Variants in DAP observed in about 807,000 individuals in gnomAD.
The protein encoded by DAP is death-associated protein 1.
Under a neutral mutation model 13.8 loss-of-function variants are expected in DAP, and 8 were observed. The ratio of observed to expected loss-of-function variants is 0.58; its 90% CI spans 0.34 to 1.05. DAP has a LOEUF of 1.05. DAP is among the 50% of genes least tolerant of loss of function. The pLI, the probability that DAP is intolerant of heterozygous loss-of-function variation, is 0.03. For missense variants in DAP, 106 were observed against 133.2 expected (o/e 0.80, Z 1.01); for synonymous variants, 47 against 47.5 (o/e 0.99, Z 0.04).
Position 10,744,577 on chromosome 5 carries a change from C to A in DAP, c.152+3598G>T, listed in dbSNP as rs898003841. ...TTTACAGAGAGATCAGGATTGCAATCTATGTGGATCCAGGGACTTACGTGA... is the reference window on the plus strand; with the variant it reads ...TTTACAGAGAGATCAGGATTGCAATATATGTGGATCCAGGGACTTACGTGA... On this transcript the variant is annotated intron_variant, in intron 2 of 3. Coordinates refer to ENST00000230895, the MANE Select transcript of DAP (RefSeq NM_004394.3). 4.6e-5 allele frequency among the ~76,000 whole-genome samples: 7 copies of A among 152,294 alleles called. No individual in the cohort carries two copies. The South Asian group carries it at 8.3e-4, about 18-fold the overall frequency.
intron 2 of DAP, among the ~76,000 whole-genome samples, chr5:10,730,545 T>TG (rs1561025619): frequency 5.0e-5 from 7 of 139,936 alleles, no homozygotes; most frequent in Admixed American, 1.4e-4. Context: ...AGAGCCCTGG[T>TG]AGGGGGAATC....
At chr5:10,735,390 A>G (rs1440574739) in intron 2 of DAP, among the ~76,000 whole-genome samples, 1 of 152,226 alleles carries the variant, frequency 6.6e-6, no homozygotes, top group Admixed American at 6.5e-5. Context: ...ATCCTGAATC[A>G]TTAACGAGAA....
chr5:10,714,894 T>C (rs1276187586), intron 2 of DAP, among the ~76,000 whole-genome samples: 1 of 152,098 alleles, frequency 6.6e-6, no homozygotes, highest in Admixed American at 6.5e-5. Flanking sequence ...GATTGGAAGC[T>C]CCCTGAGGCC....
intron 2 of DAP, among the ~76,000 whole-genome samples, chr5:10,702,316 G>C (rs1738599095): frequency 6.6e-6 from 1 of 152,202 alleles, no homozygotes; most frequent in Non-Finnish European, 1.5e-5. Flanking sequence ...GGAACTGTTT[G>C]TTGCTCATTT....
intron 2 of DAP, among the ~76,000 whole-genome samples, chr5:10,702,271 G>A (rs1168221753): frequency 3.9e-5 from 6 of 152,328 alleles, no homozygotes; most frequent in East Asian, 3.9e-4. Context: ...GTTTGTGGTC[G>A]TGGCCAGGCA....
intron 1 of DAP, among the ~76,000 whole-genome samples, chr5:10,756,110 T>C (rs1168377224): frequency 1.1e-5 from 1 of 91,456 alleles, no homozygotes; most frequent in African/African-American, 4.7e-5. Flanking sequence ...ATCACGCCAC[T>C]GCACTCAAGC....
chr5:10,718,406 G>A (rs1423910173), intron 2 of DAP, among the ~76,000 whole-genome samples: 1 of 152,222 alleles, frequency 6.6e-6, no homozygotes, highest in African/African-American at 2.4e-5. Context: ...CCTGACTAAT[G>A]AGGTGAGGGC....
chr5:10,756,376 T>C (rs900898547), intron 1 of DAP, among the ~76,000 whole-genome samples: 1 of 91,516 alleles, frequency 1.1e-5, no homozygotes, highest in Non-Finnish European at 2.3e-5. Flanking sequence ...CTTCTGTTTC[T>C]AGCAATGGAT....
chr5:10,682,542 C>T (rs1482963174), intron 3 of DAP, among the ~76,000 whole-genome samples: 1 of 151,270 alleles, frequency 6.6e-6, no homozygotes, highest in Non-Finnish European at 1.5e-5. Flanking sequence ...CGCCCACCAG[C>T]GTCCCTGCAG....
intron 2 of DAP, among the ~76,000 whole-genome samples, chr5:10,729,606 C>T (rs905717551): frequency 1.3e-5 from 2 of 152,210 alleles, no homozygotes; most frequent in Admixed American, 6.5e-5. Flanking sequence ...CCCCTATTTT[C>T]CAGTGTTCTT....
chr5:10,695,896 AAC>A (rs1255009097), intron 2 of DAP, among the ~76,000 whole-genome samples: 32 of 152,042 alleles, frequency 2.1e-4, no homozygotes, highest in Admixed American at 2.1e-3. Flanking sequence ...GGAAAGGCTA[AAC>A]CCCCAAGTTC....
intron 2 of DAP, among the ~76,000 whole-genome samples, chr5:10,727,849 AT>A (rs1158388103): frequency 7.9e-5 from 12 of 152,246 alleles, no homozygotes; most frequent in Non-Finnish European, 1.6e-4. Context: ...GTATGTGCAT[AT>A]AACCTTCACA....
intron 2 of DAP, among the ~76,000 whole-genome samples, chr5:10,724,307 C>T (rs1739229062): frequency 6.6e-6 from 1 of 152,208 alleles, no homozygotes; most frequent in Admixed American, 6.5e-5. Flanking sequence ...AAGGTTCCAC[C>T]TCTATAACAG....
chr5:10,691,826 C>T (rs1738315944), intron 2 of DAP, among the ~76,000 whole-genome samples: 1 of 152,236 alleles, frequency 6.6e-6, no homozygotes, highest in Admixed American at 6.5e-5. Context: ...AGCTTTTTCA[C>T]ACCCAGACTA....
At chr5:10,756,131 C>A (rs1311309298) in intron 1 of DAP, among the ~76,000 whole-genome samples, 1 of 91,938 alleles carries the variant, frequency 1.1e-5, no homozygotes, top group African/African-American at 4.7e-5. Flanking sequence ...CTGAGAGAGA[C>A]CCTGTCTAGA....
intron 2 of DAP, among the ~76,000 whole-genome samples, chr5:10,722,549 C>T (rs906902225): frequency 3.4e-5 from 5 of 145,164 alleles, no homozygotes; most frequent in Admixed American, 6.9e-5. Flanking sequence ...TACATATATA[C>T]ATATACATGC....
At chr5:10,732,672 C>T (rs1739495704) in intron 2 of DAP, among the ~76,000 whole-genome samples, 1 of 152,146 alleles carries the variant, frequency 6.6e-6, no homozygotes, top group Non-Finnish European at 1.5e-5. Flanking sequence ...TTTCAGTTCT[C>T]TTGAGTGTAT....
intron 2 of DAP, among the ~76,000 whole-genome samples, chr5:10,704,159 G>T (rs1738645648): frequency 6.6e-6 from 1 of 152,164 alleles, no homozygotes; most frequent in Non-Finnish European, 1.5e-5. Flanking sequence ...CAGAATTCAG[G>T]ATTTTTCAAG....
chr5:10,731,779 AAAGAG>A (rs1739468091), intron 2 of DAP, among the ~76,000 whole-genome samples: 1 of 152,224 alleles, frequency 6.6e-6, no homozygotes, highest in Non-Finnish European at 1.5e-5. Context: ...AAAAGAGATG[AAAGAG>A]AAGATGCCTG....
Sources: gnomAD v4.1 joint callset for allele counts (sites outside exome capture counted in the v4.1 genomes callset) on GRCh38, gnomAD v4.1.1 for gene constraint, MANE v1.5 for transcripts, NCBI Gene and HGNC (gene_info 2026-07-23, HGNC 2026-07-21) for gene names.